XYLT1: variants seen among roughly 807,000 people sequenced by gnomAD.
The protein encoded by XYLT1 is beta-D-xylosyltransferase 1.
A neutral mutation model predicts 91.3 loss-of-function variants in XYLT1; 36 were observed. That is an observed-to-expected ratio of 0.39 (90% confidence interval 0.30 to 0.52). The LOEUF (loss-of-function observed/expected upper bound fraction) is 0.52, where lower values mean the gene tolerates loss of function less well. Ranked by LOEUF, XYLT1 falls within the 20% of genes least tolerant of loss-of-function variation. The probability of loss-of-function intolerance (pLI) is 0.68; values close to 1 mark genes in which losing one functional copy is unlikely to be tolerated. For synonymous variants in XYLT1, 588 were observed against 532.0 expected (o/e 1.11, Z -1.45); for missense variants, 1,242 against 1,284.5 (o/e 0.97, Z 0.51).
intron 2 of XYLT1, among the ~76,000 whole-genome samples, chr16:17,309,540 G>T (rs1435051460): frequency 6.6e-6 from 1 of 152,168 alleles, no homozygotes; most frequent in Non-Finnish European, 1.5e-5. Flanking sequence ...ACATGCATCA[G>T]CTTGGTTTCT....
intron 2 of XYLT1, among the ~76,000 whole-genome samples, chr16:17,316,115 C>G (rs757179965): frequency 7.9e-4 from 121 of 152,260 alleles, no homozygotes; most frequent in East Asian, 2.3e-3. Context: ...CTATTCTCCC[C>G]GAAGCGCACA....
At chr16:17,405,267 A>G (rs921176974) in intron 1 of XYLT1, among the ~76,000 whole-genome samples, 3 of 152,110 alleles carry the variant, frequency 2.0e-5, no homozygotes, top group African/African-American at 2.4e-5. Flanking sequence ...TCCAGCCCTC[A>G]TTTTCATGTC....
chr16:17,447,502 G>T (rs538292588), intron 1 of XYLT1, among the ~76,000 whole-genome samples: 4 of 152,370 alleles, frequency 2.6e-5, no homozygotes, highest in Admixed American at 2.0e-4. Flanking sequence ...ACTTGGGAGG[G>T]TCTCCCAGAC....
intron 1 of XYLT1, among the ~76,000 whole-genome samples, chr16:17,454,559 TAC>T (rs901021360): frequency 6.6e-6 from 1 of 151,224 alleles, no homozygotes; most frequent in Non-Finnish European, 1.5e-5. Flanking sequence ...TTTTTTGAGA[TAC>T]AGTGTTACTC....
intron 1 of XYLT1, among the ~76,000 whole-genome samples, chr16:17,455,709 C>T (rs2141954573): frequency 6.6e-6 from 1 of 152,032 alleles, no homozygotes; most frequent in African/African-American, 2.4e-5. Context: ...ATGGTGCTAC[C>T]ATCAGAATCC....
chr16:17,362,707 G>A (rs1049919156), intron 1 of XYLT1, among the ~76,000 whole-genome samples: 5 of 152,226 alleles, frequency 3.3e-5, no homozygotes, highest in African/African-American at 1.2e-4. Context: ...TGGCTCTCCT[G>A]GCGGATTCTG....
chr16:17,469,746 G>A (rs2036954562), intron 1 of XYLT1, among the ~76,000 whole-genome samples: 4 of 152,232 alleles, frequency 2.6e-5, no homozygotes. Context: ...CCAGCTAGGA[G>A]AAGGAGCCAT....
At chr16:17,395,774 T>C (rs574961663) in intron 1 of XYLT1, among the ~76,000 whole-genome samples, 2 of 152,318 alleles carry the variant, frequency 1.3e-5, no homozygotes, top group East Asian at 1.9e-4. Flanking sequence ...GTGAAGGGCT[T>C]TTCAAATCGG....
chr16:17,318,568 A>C (rs544035072), intron 2 of XYLT1, among the ~76,000 whole-genome samples: 1 of 152,252 alleles, frequency 6.6e-6, no homozygotes, highest in South Asian at 2.1e-4. Flanking sequence ...GTGCTTTAGC[A>C]AAATGCAACG....
At chr16:17,329,003 C>A (rs1427468388) in intron 2 of XYLT1, among the ~76,000 whole-genome samples, 2 of 152,202 alleles carry the variant, frequency 1.3e-5, no homozygotes, top group Non-Finnish European at 2.9e-5. Flanking sequence ...CCATCCTTAT[C>A]ACAGGCCTTC....
At chr16:17,244,206 G>A (rs72777778) in intron 3 of XYLT1, among the ~76,000 whole-genome samples, 5,726 of 152,178 alleles carry the variant, frequency 0.038, 182 homozygotes, top group Middle Eastern at 0.085. Context: ...AGCAGCCTCT[G>A]GCAGAAGTGT....
chr16:17,176,999 T>C (rs548612984), intron 5 of XYLT1, among the ~76,000 whole-genome samples: 3 of 152,208 alleles, frequency 2.0e-5, no homozygotes, highest in Non-Finnish European at 4.4e-5. Context: ...CCACACGGTC[T>C]GGCCCCCACC....
At chr16:17,453,698 T>C (rs777066580) in intron 1 of XYLT1, among the ~76,000 whole-genome samples, 9 of 152,346 alleles carry the variant, frequency 5.9e-5, no homozygotes, top group African/African-American at 7.2e-5. Flanking sequence ...AGAGATCTTA[T>C]TGGGGACACA....
intron 5 of XYLT1, among the ~76,000 whole-genome samples, chr16:17,188,580 C>A (rs143765328): frequency 6.6e-6 from 1 of 152,182 alleles, no homozygotes; most frequent in African/African-American, 2.4e-5. Flanking sequence ...GGAAGCCATC[C>A]GGGCCCTCAG....
At chr16:17,307,962 C>T (rs1294252472) in intron 2 of XYLT1, among the ~76,000 whole-genome samples, 1 of 152,146 alleles carries the variant, frequency 6.6e-6, no homozygotes, top group African/African-American at 2.4e-5. Flanking sequence ...GTCAGAGAGA[C>T]TTGCTATTGG....
chr16:17,451,659 G>C (rs2036667315), intron 1 of XYLT1, among the ~76,000 whole-genome samples: 1 of 152,172 alleles, frequency 6.6e-6, no homozygotes, highest in Non-Finnish European at 1.5e-5. Context: ...GGCTGTTGCT[G>C]AGAGGACATC....
At chr16:17,436,349 G>C (rs1252122554) in intron 1 of XYLT1, among the ~76,000 whole-genome samples, 1 of 152,190 alleles carries the variant, frequency 6.6e-6, no homozygotes, top group African/African-American at 2.4e-5. Context: ...AGACAGGAAG[G>C]GGTAAAGGGA....
intron 2 of XYLT1, 133 bp downstream of exon 2, chr16:17,357,879 A>G: frequency 1.1e-6 from 1 of 879,400 alleles, no homozygotes; most frequent in Non-Finnish European, 1.8e-6. Flanking sequence ...ATACATGTGC[A>G]GGCACACACA....
Position 17,334,045 on chromosome 16 carries a change from C to A in XYLT1, c.402+23967G>T, listed in dbSNP as rs2034942467. Among the ~76,000 whole-genome samples the A allele has an allele frequency of 2.0e-5, 3 of 152,230 alleles. No individual in the cohort carries two copies. The South Asian group carries it at 6.2e-4, about 32-fold the overall frequency. On this transcript the variant is annotated intron_variant, in intron 2 of 11. Transcript: ENST00000261381. ...CCCTTTTGCCCTTCCATCCCTTTCACCATGTGAGGTCACAGAGTTCATCCC... is the reference window on the plus strand; with the variant it reads ...CCCTTTTGCCCTTCCATCCCTTTCAACATGTGAGGTCACAGAGTTCATCCC...
Sources: allele counts gnomAD v4.1 joint callset (sites outside exome capture counted in the v4.1 genomes callset), GRCh38; gene constraint gnomAD v4.1.1; transcripts MANE v1.5; gene names NCBI Gene and HGNC (gene_info 2026-07-23, HGNC 2026-07-21).